Variants in DMKN observed in about 807,000 individuals in gnomAD.
The protein encoded by DMKN is epidermis-specific secreted protein SK30/SK89.
A neutral mutation model predicts 67.6 loss-of-function variants in DMKN; 58 were observed. The observed-to-expected ratio is 0.86, with a 90% CI of 0.69 to 1.07. The LOEUF is 1.07. Among genes scored for constraint, DMKN ranks in the 50% least tolerant of loss-of-function variants. The pLI is 0.00. For missense variants in DMKN, 596 were observed against 601.5 expected, an observed-to-expected ratio of 0.99 and a Z score of 0.10; for synonymous variants, 240 against 232.3, an observed-to-expected ratio of 1.03 and a Z score of -0.30.
intron 9 of DMKN, among the ~76,000 whole-genome samples, chr19:35,503,636 T>C (rs2068860759): frequency 6.6e-6 from 1 of 152,078 alleles, no homozygotes; most frequent in African/African-American, 2.4e-5. Context: ...CCACCACGCC[T>C]GGCTAATTTT....
intron 6 of DMKN, 45 bp from the exon 7 acceptor site, chr19:35,510,006 G>C: frequency 6.2e-7 from 1 of 1,611,646 alleles, no homozygotes; most frequent in Non-Finnish European, 8.5e-7. Flanking sequence ...TCCCCTCCCA[G>C]ACCAGTCCCA....
chr19:35,499,147 A>C, intron 13 of DMKN: 1 of 576,814 alleles, frequency 1.7e-6, no homozygotes, highest in South Asian at 2.0e-5. Flanking sequence ...GGGGGTCAAA[A>C]GAGCATAGGC....
chr19:35,501,931 C>T, intron 11 of DMKN: 2 of 1,560,422 alleles, frequency 1.3e-6, no homozygotes, highest in Non-Finnish European at 8.7e-7. Flanking sequence ...AGCCCTCGGC[C>T]TCGGCTTTTA....
At chr19:35,501,998 C>A in intron 11 of DMKN, 138 bp downstream of exon 11, 1 of 1,552,014 alleles carries the variant, frequency 6.4e-7, no homozygotes. Context: ...TCCCTCTCAC[C>A]CCGCCCCCAC....
chr19:35,500,505 G>A (rs376517205), intron 12 of DMKN, 28 bp downstream of exon 12: 36 of 1,604,390 alleles, frequency 2.2e-5, no homozygotes, highest in Middle Eastern at 1.6e-4. Flanking sequence ...CAAGGGCCCT[G>A]CAGGGTAACT....
chr19:35,512,809 T>C lies in DMKN; in HGVS notation c.427-19A>G, dbSNP rs762843909. 6.2e-7 allele frequency: 1 copy of C among 1,608,458 alleles called. No individual in the cohort carries two copies. Among genetic ancestry groups the C allele is most frequent in the Admixed American group, 1.7e-5 (1 of 59,814 alleles). ...AAGTTTCCTGCAAGAACAACATACC[T>C]GCACTTAGTGGGACCATCTCTGACC... On this transcript the variant is annotated intron_variant, in intron 1 of 15. Coordinates refer to ENST00000339686, the MANE Select transcript of DMKN (RefSeq NM_033317.5).
intron 10 of DMKN, 29 bp from the exon 11 acceptor site, chr19:35,502,212 CG>C (rs756285874): frequency 6.2e-7 from 1 of 1,613,730 alleles, no homozygotes; most frequent in Non-Finnish European, 8.5e-7. Flanking sequence ...CAGAGTGGGC[CG>C]GGGAGGCAGA....
At chr19:35,499,818 A>G in intron 13 of DMKN, 140 bp downstream of exon 13, 1 of 808,240 alleles carries the variant, frequency 1.2e-6, no homozygotes, top group Non-Finnish European at 2.0e-6. Flanking sequence ...TCCCTTGCAA[A>G]GGGGTGGGGA....
rs1221190800 is a variant in DMKN, at chr19:35,513,529, C to T, written c.-54G>A. ...TGTCTTCCTCCCACCAGGGTCTCCT[C>T]CTTGCCGCCCTTGCTCTGCGTCTCT... On this transcript the variant is annotated 5_prime_UTR_variant, in exon 1 of 16. Coordinates refer to ENST00000339686, the MANE Select transcript of DMKN (RefSeq NM_033317.5). 5 of 1,540,410 alleles carry T rather than the reference C, an allele frequency of 3.2e-6. No individual in the cohort carries two copies. In the Admixed American group the frequency reaches 7.8e-5, roughly 24 times the overall value.
intron 11 of DMKN, among the ~76,000 whole-genome samples, chr19:35,501,115 A>C (rs1599833593): frequency 1.3e-5 from 2 of 151,368 alleles, no homozygotes; most frequent in African/African-American, 4.9e-5. Flanking sequence ...TGCACCGGAC[A>C]CCCCCCCCAG....
intron 7 of DMKN, chr19:35,507,630 T>C: frequency 1.2e-6 from 1 of 833,988 alleles, no homozygotes; most frequent in South Asian, 1.5e-5. Flanking sequence ...GACATGAGCA[T>C]GACAGAGGAC....
At chr19:35,511,876 T>C (rs2070891446) in intron 3 of DMKN, 63 bp from the exon 4 acceptor site, 6 of 1,539,810 alleles carry the variant, frequency 3.9e-6, no homozygotes, top group African/African-American at 1.4e-5. Flanking sequence ...GCCTCGGCCA[T>C]GGACACAGGC....
intron 9 of DMKN, among the ~76,000 whole-genome samples, chr19:35,503,851 C>A (rs557344061): frequency 3.9e-5 from 6 of 152,128 alleles, no homozygotes; most frequent in South Asian, 2.1e-4. Context: ...GTATAAGAGA[C>A]CCCTGCTCCA....
rs1371838922 is a variant in DMKN at position 35,497,431 on chromosome 19, CAG to C, written c.*106_*107del. The C allele has an allele frequency of 6.6e-6, 1 of 152,154 alleles. No individual in the cohort carries two copies. The highest frequency in any genetic ancestry group is 2.4e-5 in the African/African-American group (1 of 41,398). The allele number at this position is 152,154 out of a possible 1,614,324, so 9.4% of individuals were successfully genotyped here. On this transcript the variant is annotated 3_prime_UTR_variant, in exon 16 of 16. Transcript: ENST00000339686. ...CAAGCTGGGTCCCCAGCCTAGGAAA[CAG>C]AGGTGTGGCAGCCGGGCCAGGGCTG... is the stretch of plus-strand genomic sequence containing the variant.
intron 1 of DMKN, 85 bp downstream of exon 1, chr19:35,512,965 A>G: frequency 3.8e-6 from 6 of 1,575,106 alleles, no homozygotes; most frequent in African/African-American, 2.7e-5. Flanking sequence ...TAAGAGATCC[A>G]TCCATCCTTT....
chr19:35,509,821 G>A, intron 7 of DMKN, 90 bp downstream of exon 7: 5 of 1,466,780 alleles, frequency 3.4e-6, no homozygotes, highest in Non-Finnish European at 3.8e-6. Context: ...AAGGCAGGAG[G>A]GGGTTGAGCA....
intron 9 of DMKN, among the ~76,000 whole-genome samples, chr19:35,505,476 T>C (rs1240203897): frequency 6.6e-6 from 1 of 152,196 alleles, no homozygotes; most frequent in East Asian, 1.9e-4. Context: ...CGGGTCTATA[T>C]GCTGAAACAG....
At chr19:35,499,890 T>C (rs2068060858) in intron 13 of DMKN, 68 bp downstream of exon 13, 1 of 1,561,204 alleles carries the variant, frequency 6.4e-7, no homozygotes, top group East Asian at 2.3e-5. Flanking sequence ...ACCCCGGCAG[T>C]GAAAGCCTCT....
In DMKN at chr19:35,511,508, CTGCTGCTGCCACCACTGCTGCTGCCAT is replaced by C; in HGVS notation, c.794_820del (p.Asn265_Ser273del). The C allele has an allele frequency of 9.0e-7, 1 of 1,108,538 alleles. No individual in the cohort carries two copies. The highest frequency in any genetic ancestry group is 3.2e-4 in the Middle Eastern group (1 of 3,142). The allele number at this position is 1,108,538 out of a possible 1,614,324, so 68.7% of individuals were successfully genotyped here. A position where few individuals can be genotyped will look rare whatever the true frequency, so the allele number is the denominator to read the frequency against. On this transcript the variant is annotated inframe_deletion, in exon 5 of 16. Coordinates refer to ENST00000339686, the MANE Select transcript of DMKN (RefSeq NM_033317.5). ...ACTGCTGCCGCCACTGCTGCTGCCA[CTGCTGCTGCCACCACTGCTGCTGCCAT>C]TGTTGTTGTCACCATTGCTGCCACT... is the stretch of plus-strand genomic sequence containing the variant.
Sources: gnomAD v4.1 joint callset for allele counts (sites outside exome capture counted in the v4.1 genomes callset) on GRCh38, gnomAD v4.1.1 for gene constraint, MANE v1.5 for transcripts, NCBI Gene and HGNC (gene_info 2026-07-23, HGNC 2026-07-21) for gene names.